The following PTPRG variants were observed in gnomAD, a reference collection of about 807,000 sequenced individuals.
The protein encoded by PTPRG is receptor-type tyrosine-protein phosphatase gamma.
A neutral mutation model predicts 165.3 loss-of-function variants in PTPRG; 102 were observed. The ratio of observed to expected loss-of-function variants is 0.62; its 90% confidence interval spans 0.53 to 0.73. The LOEUF (loss-of-function observed/expected upper bound fraction) is 0.73, where lower values mean the gene tolerates loss of function less well. Ranked by LOEUF, PTPRG falls within the 30% of genes least tolerant of loss-of-function variation. The pLI is 0.00. For synonymous variants in PTPRG, 675 were observed against 669.5 expected (o/e 1.01, Z -0.13); for missense variants, 1,866 against 1,861.4 (o/e 1.00, Z -0.05).
intron 2 of PTPRG, among the ~76,000 whole-genome samples, chr3:61,885,193 C>CAG (rs10701322): frequency 0.35 from 53,413 of 151,878 alleles, 10,228 homozygotes; most frequent in East Asian, 0.59. Flanking sequence ...GATCATATAA[C>CAG]GGTAAACTAT....
At chr3:61,979,084 A>G (rs1039540342) in intron 2 of PTPRG, among the ~76,000 whole-genome samples, 3 of 152,206 alleles carry the variant, frequency 2.0e-5, no homozygotes, top group Non-Finnish European at 4.4e-5. Context: ...TATAGTGAAT[A>G]TTCTCCAAAT....
Position 61,890,384 on chromosome 3 carries a change from T to C in PTPRG, c.191-99241T>C, listed in dbSNP as rs2038175944. ...AGGCGATGGTCAGTGGAAGTATTTA[T>C]GGGTTTTGGGCGGGTTTCTTGTTCT... is the stretch of plus-strand genomic sequence containing the variant. On this transcript the variant is annotated intron_variant, in intron 2 of 29. Transcript: ENST00000474889. 3.3e-5 allele frequency among the ~76,000 whole-genome samples: 5 copies of C among 151,138 alleles called. 1 individual carries two copies. In the South Asian group the frequency reaches 1.0e-3, roughly 31 times the overall value.
At chr3:62,018,649 A>T (rs2041609046) in intron 4 of PTPRG, among the ~76,000 whole-genome samples, 1 of 152,238 alleles carries the variant, frequency 6.6e-6, no homozygotes, top group South Asian at 2.1e-4. Flanking sequence ...CATTGAATAC[A>T]TTAATAAAAC....
At chr3:61,913,027 T>C (rs2038840743) in intron 2 of PTPRG, among the ~76,000 whole-genome samples, 1 of 152,354 alleles carries the variant, frequency 6.6e-6, no homozygotes, top group South Asian at 2.1e-4. Context: ...AGGAGACCAA[T>C]GGCGGCTGCA....
intron 7 of PTPRG, among the ~76,000 whole-genome samples, chr3:62,162,619 A>T (rs552208882): frequency 6.6e-6 from 1 of 152,250 alleles, no homozygotes; most frequent in East Asian, 1.9e-4. Context: ...GGCAGTTTCT[A>T]TTCAGAGTGC....
At chr3:62,192,811 T>A (rs951323752) in intron 9 of PTPRG, among the ~76,000 whole-genome samples, 4 of 152,202 alleles carry the variant, frequency 2.6e-5, no homozygotes, top group Admixed American at 2.6e-4. Context: ...TCTGGAATAA[T>A]GAAACCCGTA....
At chr3:61,923,896 A>T (rs2039143768) in intron 2 of PTPRG, among the ~76,000 whole-genome samples, 1 of 151,782 alleles carries the variant, frequency 6.6e-6, no homozygotes, top group South Asian at 2.1e-4. Flanking sequence ...GGATGTATTA[A>T]CTGTTAATTT....
At chr3:62,166,205 T>C (rs1318079942) in intron 7 of PTPRG, among the ~76,000 whole-genome samples, 3 of 80,930 alleles carry the variant, frequency 3.7e-5, no homozygotes, top group African/African-American at 1.5e-4. Context: ...TTCTTTTTTT[T>C]TTTTTTTTTT....
intron 2 of PTPRG, among the ~76,000 whole-genome samples, chr3:61,795,071 TC>T (rs1227147678): frequency 6.6e-6 from 1 of 152,178 alleles, no homozygotes; most frequent in African/African-American, 2.4e-5. Context: ...GTGTCAAGTG[TC>T]TCATTTAATC....
At chr3:61,790,459 T>A (rs2034837496) in intron 2 of PTPRG, among the ~76,000 whole-genome samples, 1 of 152,224 alleles carries the variant, frequency 6.6e-6, no homozygotes, top group Non-Finnish European at 1.5e-5. Context: ...CAGACCATGT[T>A]CTATTTTACT....
At chr3:62,006,447 C>T (rs1439170899) in intron 4 of PTPRG, among the ~76,000 whole-genome samples, 5 of 152,092 alleles carry the variant, frequency 3.3e-5, no homozygotes, top group East Asian at 1.9e-4. Context: ...GAGCATCTTA[C>T]GCTTGGTTTA....
At chr3:62,283,160 G>A (rs918445711) in intron 28 of PTPRG, among the ~76,000 whole-genome samples, 5 of 152,092 alleles carry the variant, frequency 3.3e-5, no homozygotes, top group African/African-American at 1.2e-4. Context: ...GAGGTGTTAT[G>A]TGTTAGTAAC....
intron 2 of PTPRG, among the ~76,000 whole-genome samples, chr3:61,978,910 C>G (rs9853443): frequency 0.46 from 70,146 of 151,992 alleles, 16,959 homozygotes; most frequent in African/African-American, 0.63. Flanking sequence ...TCCCGTAGAT[C>G]TGGAATTGAC....
chr3:61,993,941 A>G (rs1254556589), intron 3 of PTPRG, among the ~76,000 whole-genome samples: 2 of 152,222 alleles, frequency 1.3e-5, no homozygotes, highest in African/African-American at 4.8e-5. Flanking sequence ...ATCTGTCTTA[A>G]TCCCCTGAGA....
chr3:61,989,333 T>C (rs2040831191), intron 2 of PTPRG, among the ~76,000 whole-genome samples: 5 of 152,234 alleles, frequency 3.3e-5, no homozygotes, highest in Admixed American at 2.6e-4. Context: ...TTAAAAATTG[T>C]CAGAAATATG....
At chr3:62,256,086 G>A (rs1442921199) in intron 16 of PTPRG, among the ~76,000 whole-genome samples, 1 of 152,152 alleles carries the variant, frequency 6.6e-6, no homozygotes, top group Non-Finnish European at 1.5e-5. Context: ...CTGTGGGTAA[G>A]TTGGTTCCTT....
chr3:62,031,740 A>G (rs1699775703), intron 4 of PTPRG, among the ~76,000 whole-genome samples: 1 of 152,284 alleles, frequency 6.6e-6, no homozygotes, highest in South Asian at 2.1e-4. Flanking sequence ...GGACTGATTT[A>G]AGGGATGTTT....
chr3:61,873,438 A>G (rs908558387), intron 2 of PTPRG, among the ~76,000 whole-genome samples: 3 of 152,206 alleles, frequency 2.0e-5, no homozygotes, highest in Non-Finnish European at 2.9e-5. Flanking sequence ...ATAGTAGCAA[A>G]AAAATATAGA....
intron 1 of PTPRG, among the ~76,000 whole-genome samples, chr3:61,664,947 T>G (rs958301455): frequency 5.3e-5 from 8 of 152,244 alleles, no homozygotes; most frequent in African/African-American, 1.9e-4. Context: ...ACATCCCCTG[T>G]TTTGGTTCAG....
Sources: allele counts gnomAD v4.1 joint callset (sites outside exome capture counted in the v4.1 genomes callset), GRCh38; gene constraint gnomAD v4.1.1; transcripts MANE v1.5; gene names NCBI Gene and HGNC (gene_info 2026-07-23, HGNC 2026-07-21).